Variants in PSD3 observed in about 807,000 individuals in gnomAD.
PSD3 encodes pleckstrin and Sec7 domain containing 3.
A neutral mutation model predicts 105.5 loss-of-function variants in PSD3; 49 were observed. That is an observed-to-expected ratio of 0.46 (90% confidence interval 0.37 to 0.59). PSD3 has a LOEUF of 0.59. Among genes scored for constraint, PSD3 ranks in the 20% least tolerant of loss-of-function variants. The pLI, the probability that PSD3 is intolerant of heterozygous loss-of-function variation, is 0.00. For missense variants in PSD3, 1,561 were observed against 1,263.8 expected (o/e 1.24, Z -3.57); for synonymous variants, 557 against 457.8 (o/e 1.22, Z -2.77).
intron 8 of PSD3, among the ~76,000 whole-genome samples, chr8:18,785,461 C>G (rs1332642767): frequency 6.6e-6 from 1 of 152,274 alleles, no homozygotes; most frequent in African/African-American, 2.4e-5. Context: ...ATTGAAGAGA[C>G]TCAGGGCCTT....
chr8:18,660,231 G>A (rs1354069380), intron 9 of PSD3, among the ~76,000 whole-genome samples: 1 of 152,086 alleles, frequency 6.6e-6, no homozygotes, highest in African/African-American at 2.4e-5. Flanking sequence ...ACATGAAGAG[G>A]AATATGGAAA....
chr8:18,832,971 A>C (rs918654841), intron 4 of PSD3, among the ~76,000 whole-genome samples: 8 of 152,228 alleles, frequency 5.3e-5, no homozygotes, highest in African/African-American at 1.9e-4. Flanking sequence ...CCATATCAGT[A>C]AACAAGGCAG....
chr8:18,561,590 A>T (rs539646052), intron 14 of PSD3, among the ~76,000 whole-genome samples: 61 of 152,340 alleles, frequency 4.0e-4, no homozygotes, highest in African/African-American at 1.4e-3. Context: ...AACTTGCTCA[A>T]AGAATAGAAT....
intron 12 of PSD3, among the ~76,000 whole-genome samples, chr8:18,589,869 G>A (rs999389116): frequency 6.6e-6 from 1 of 152,186 alleles, no homozygotes; most frequent in South Asian, 2.1e-4. Context: ...CTGTCCACAA[G>A]TAAGTTGTTC....
intron 3 of PSD3, among the ~76,000 whole-genome samples, chr8:18,869,620 G>C (rs549343467): frequency 1.4e-4 from 22 of 152,154 alleles, no homozygotes; most frequent in Non-Finnish European, 2.5e-4. Flanking sequence ...GTTCCCTCTA[G>C]CTGGAACATT....
At chr8:19,051,687 T>G (rs751804962) in intron 1 of PSD3, among the ~76,000 whole-genome samples, 20 of 152,176 alleles carry the variant, frequency 1.3e-4, no homozygotes, top group African/African-American at 2.2e-4. Context: ...TCATGCTGAT[T>G]TATAACAAAG....
At chr8:18,661,890 C>A (rs1428511799) in intron 9 of PSD3, among the ~76,000 whole-genome samples, 2 of 152,104 alleles carry the variant, frequency 1.3e-5, no homozygotes, top group African/African-American at 4.8e-5. Flanking sequence ...TTTCACATGC[C>A]CAAGTTTAAA....
chr8:18,606,141 C>G (rs568475308), intron 11 of PSD3, among the ~76,000 whole-genome samples: 2 of 152,140 alleles, frequency 1.3e-5, no homozygotes, highest in South Asian at 2.1e-4. Context: ...TTTGAAAAAC[C>G]TGTAGACATT....
intron 9 of PSD3, among the ~76,000 whole-genome samples, chr8:18,743,033 AAT>A (rs1804703608): frequency 1.3e-5 from 2 of 152,182 alleles, no homozygotes; most frequent in Non-Finnish European, 2.9e-5. Context: ...TAGCTTTAGA[AAT>A]AGTTTTCATG....
intron 15 of PSD3, among the ~76,000 whole-genome samples, chr8:18,549,219 T>C (rs913723766): frequency 1.4e-5 from 2 of 147,514 alleles, no homozygotes; most frequent in South Asian, 2.2e-4. Context: ...TTCACTCTTA[T>C]TGCCCAGGCT....
chr8:19,041,094 A>G (rs770817800), intron 1 of PSD3, among the ~76,000 whole-genome samples: 30 of 152,018 alleles, frequency 2.0e-4, no homozygotes, highest in Admixed American at 4.6e-4. Context: ...ACATGGTCTC[A>G]CTATGTTGCC....
chr8:18,781,909 C>G (rs139445378), intron 8 of PSD3, among the ~76,000 whole-genome samples: 202 of 152,162 alleles, frequency 1.3e-3, no homozygotes, highest in Non-Finnish European at 1.9e-3. Context: ...GTTATCTGCT[C>G]AGGTTATTTC....
chr8:18,572,670 C>T lies in PSD3; in HGVS notation c.2642G>A (p.Ser881Asn), dbSNP rs767001917. Residue 881 changes from serine (S) to asparagine (N), a missense_variant and splice_region_variant, in exon 14 of 16, where the codon AGC (serine) becomes AAC (asparagine). Physicochemically the swap from Ser to Asn is conservative, Grantham distance 46. Coordinates refer to ENST00000327040, the MANE Select transcript of PSD3 (RefSeq NM_015310.4). ...TATCCACCCTTGCATTTCCTCTGGG[C>T]TCCTATGAGAAATAGATATGTTTAT... is the stretch of plus-strand genomic sequence containing the variant. ...DWRVLLFQTQ[S>N]PEEMQGWINK... 1.1e-5 allele frequency: 18 copies of T among 1,613,518 alleles called. No homozygotes were observed. The highest frequency in any genetic ancestry group is 1.6e-4 in the Middle Eastern group (1 of 6,080).
At chr8:18,712,156 C>G (rs1802293554) in intron 9 of PSD3, among the ~76,000 whole-genome samples, 1 of 152,006 alleles carries the variant, frequency 6.6e-6, no homozygotes, top group Non-Finnish European at 1.5e-5. Flanking sequence ...GTACTAAATG[C>G]CCACAGCAAA....
intron 11 of PSD3, among the ~76,000 whole-genome samples, chr8:18,602,164 A>C (rs908719033): frequency 2.6e-5 from 4 of 152,128 alleles, no homozygotes; most frequent in African/African-American, 9.7e-5. Flanking sequence ...CCCTAAAACT[A>C]ATTTATTGGC....
chr8:18,964,775 A>C (rs564675636), intron 1 of PSD3, among the ~76,000 whole-genome samples: 1 of 152,238 alleles, frequency 6.6e-6, no homozygotes, highest in South Asian at 2.1e-4. Flanking sequence ...CATCCAAGCC[A>C]CCCTTTTACT....
intron 8 of PSD3, among the ~76,000 whole-genome samples, chr8:18,771,321 C>T (rs973324252): frequency 6.6e-6 from 1 of 152,202 alleles, no homozygotes; most frequent in Non-Finnish European, 1.5e-5. Context: ...AATTTCCCTG[C>T]CTCTTGTCCC....
intron 1 of PSD3, among the ~76,000 whole-genome samples, chr8:18,955,679 A>G (rs560474244): frequency 1.3e-5 from 2 of 152,298 alleles, no homozygotes; most frequent in Non-Finnish European, 2.9e-5. Flanking sequence ...TCCTCCAGAG[A>G]GGCTGTCCCA....
chr8:18,634,232 G>A (rs1029829442), intron 10 of PSD3, among the ~76,000 whole-genome samples: 1 of 152,036 alleles, frequency 6.6e-6, no homozygotes, highest in Non-Finnish European at 1.5e-5. Context: ...AGAAGTGTTT[G>A]ATAATGACGG....
Sources: allele counts gnomAD v4.1 joint callset (sites outside exome capture counted in the v4.1 genomes callset), GRCh38; gene constraint gnomAD v4.1.1; transcripts MANE v1.5; gene names NCBI Gene and HGNC (gene_info 2026-07-23, HGNC 2026-07-21).